The following RIMKLB variants were observed in gnomAD, a reference collection of about 807,000 sequenced individuals.
RIMKLB encodes beta-citrylglutamate synthase B.
RIMKLB carries 7 observed loss-of-function variants against 32.0 expected under a neutral mutation model. The observed-to-expected ratio is 0.22, with a 90% CI of 0.12 to 0.41. RIMKLB has a LOEUF of 0.41. RIMKLB is among the 10% of genes least tolerant of loss of function. The pLI is 1.00. For synonymous variants in RIMKLB, 172 were observed against 185.1 expected (o/e 0.93, Z 0.57); for missense variants, 289 against 498.7 (o/e 0.58, Z 4.00).
intron 1 of RIMKLB, among the ~76,000 whole-genome samples, chr12:8,682,168 A>G (rs1303256733): frequency 6.6e-6 from 1 of 152,234 alleles, no homozygotes; most frequent in Non-Finnish European, 1.5e-5. Context: ...TAAAAAACAC[A>G]TAAAATTAAA....
At chr12:8,740,435 C>A (rs753957417) in intron 2 of RIMKLB, among the ~76,000 whole-genome samples, 174 of 152,176 alleles carry the variant, frequency 1.1e-3, no homozygotes, top group African/African-American at 3.8e-3. Flanking sequence ...GATGGGTGCA[C>A]CCATCATCCA....
chr12:8,772,148 G>A lies in RIMKLB; in HGVS notation c.698-1173G>A, dbSNP rs574943779. ...AAGTGATCCACCTCAGCCTCCCAAAGTGTTGGGATTACAGGCATGAGCCAT... is the reference window on the plus strand; with the variant it reads ...AAGTGATCCACCTCAGCCTCCCAAAATGTTGGGATTACAGGCATGAGCCAT... On this transcript the variant is annotated intron_variant, in intron 5 of 5. Transcript: ENST00000535829. Among the ~76,000 whole-genome samples the A allele has an allele frequency of 1.1e-3, 168 of 152,278 alleles. 1 individual carries two copies. Among genetic ancestry groups the A allele is most frequent in the Admixed American group, 1.8e-3 (27 of 15,292 alleles).
At position 8,775,440 on chromosome 12, in the gene RIMKLB, G is replaced by T. The variant is rs1950673159; in HGVS notation, c.*1656G>T. ...TGTTAAGAAATGGAGATGCTGCAGA[G>T]CCCAACGTAATTTTTTAAACAGCAA... On this transcript the variant is annotated 3_prime_UTR_variant, in exon 6 of 6. Transcript: ENST00000535829. The T allele has an allele frequency of 1.0e-6, 1 of 985,566 alleles. No homozygotes were observed. 61.1% of individuals were successfully genotyped at this position (985,566 alleles called of 1,614,324 possible).
At chr12:8,748,083 A>G (rs1330530950) in intron 2 of RIMKLB, among the ~76,000 whole-genome samples, 1 of 152,166 alleles carries the variant, frequency 6.6e-6, no homozygotes, top group Admixed American at 6.6e-5. Context: ...ATATCTATAT[A>G]TGTTTCTGTA....
chr12:8,704,474 A>G (rs773232533), intron 1 of RIMKLB, among the ~76,000 whole-genome samples: 1 of 152,326 alleles, frequency 6.6e-6, no homozygotes, highest in South Asian at 2.1e-4. Flanking sequence ...GTTTTCAATC[A>G]TGACTTAACC....
intron 1 of RIMKLB, among the ~76,000 whole-genome samples, chr12:8,705,201 G>A (rs1484801161): frequency 6.6e-6 from 1 of 152,144 alleles, no homozygotes; most frequent in African/African-American, 2.4e-5. Context: ...AGTGGGCCAG[G>A]CATGGTGGCT....
intron 1 of RIMKLB, among the ~76,000 whole-genome samples, chr12:8,688,281 C>T (rs1378304981): frequency 1.3e-5 from 2 of 152,096 alleles, no homozygotes; most frequent in Admixed American, 1.3e-4. Flanking sequence ...GTTCTGATTC[C>T]AGCTCTGAAA....
chr12:8,760,921 G>A (rs1183592116), intron 5 of RIMKLB, among the ~76,000 whole-genome samples: 1 of 151,990 alleles, frequency 6.6e-6, no homozygotes, highest in African/African-American at 2.4e-5. Flanking sequence ...AGTTTCTTTT[G>A]CTGTGCCATC....
At chr12:8,722,341 C>T (rs146028319) in intron 2 of RIMKLB, among the ~76,000 whole-genome samples, 467 of 152,056 alleles carry the variant, frequency 3.1e-3, no homozygotes, top group African/African-American at 0.01. Flanking sequence ...TGACCAGGTG[C>T]ATCATCAGTG....
At chr12:8,705,963 C>G (rs2136802452) in intron 1 of RIMKLB, among the ~76,000 whole-genome samples, 1 of 152,246 alleles carries the variant, frequency 6.6e-6, no homozygotes, top group Non-Finnish European at 1.5e-5. Context: ...ATTTCCTTTA[C>G]TTAAGGTCAA....
chr12:8,761,110 G>A (rs896533981), intron 5 of RIMKLB, among the ~76,000 whole-genome samples: 10 of 151,818 alleles, frequency 6.6e-5, no homozygotes, highest in Non-Finnish European at 5.9e-5. Context: ...AGCACTTTGG[G>A]AGGCCAGGGT....
In RIMKLB at chr12:8,718,766, G is replaced by A. The variant is rs117605424; in HGVS notation, c.175+4725G>A. 8.9e-3 allele frequency among the ~76,000 whole-genome samples: 1,341 copies of A among 149,842 alleles called. 4 individuals carry two copies. The highest frequency in any genetic ancestry group is 0.015 in the Admixed American group (228 of 15,002). On this transcript the variant is annotated intron_variant, in intron 2 of 5. Coordinates refer to ENST00000535829, the MANE Select transcript of RIMKLB (RefSeq NM_001297776.2). ...CAGCAAAATTAGGCAGAAAGTACAG[G>A]GATCTCCTATGTATCCTCTGCCCAC...
intron 2 of RIMKLB, among the ~76,000 whole-genome samples, chr12:8,726,166 A>G (rs899436371): frequency 1.3e-5 from 2 of 152,200 alleles, no homozygotes; most frequent in Admixed American, 1.3e-4. Flanking sequence ...ACTGTTTTGC[A>G]TTCCCACCAG....
Position 8,774,098 on chromosome 12 carries a change from T to G in RIMKLB, c.*314T>G, listed in dbSNP as rs889699762. On this transcript the variant is annotated 3_prime_UTR_variant, in exon 6 of 6. Transcript: ENST00000535829. The stretch of plus-strand genomic sequence containing the variant: ...AGGAACAAATACTTTTTTTTTTTCA[T>G]GGTCCCTTGCTTTTGTTTTTGTACA... 11 of 1,065,924 alleles carry G rather than the reference T, an allele frequency of 1.0e-5. No individual in the cohort carries two copies. The highest frequency in any genetic ancestry group is 6.7e-5 in the African/African-American group (4 of 59,854). 66.0% of individuals were successfully genotyped at this position (1,065,924 alleles called of 1,614,324 possible).
At chr12:8,681,094 G>A (rs1169136287), upstream of RIMKLB, among the ~76,000 whole-genome samples, 1 of 151,698 alleles carries the variant, frequency 6.6e-6, no homozygotes, top group Non-Finnish European at 1.5e-5. Context: ...CCAAGTAGCT[G>A]GGACTATAGG....
chr12:8,773,429 A>G lies in RIMKLB; in HGVS notation c.806A>G (p.Asp269Gly), dbSNP rs745610268. The change falls in exon 6 of 6, where the codon GAT (aspartate) becomes GGT (glycine). Residue 269 changes from aspartate to glycine, a missense_variant. By Grantham distance (94) the Asp-to-Gly change is moderately conservative (BLOSUM62 -1). Coordinates refer to ENST00000535829, the MANE Select transcript of RIMKLB (RefSeq NM_001297776.2). ...TGTGGCATTGATCTGCTGATGAAAG[A>G]TGACGGCTCCTTCTGCGTCTGTGAG... is the stretch of plus-strand genomic sequence containing the variant. ...DVCGIDLLMK[D>G]DGSFCVCEAN... The G allele has an allele frequency of 1.2e-6, 2 of 1,614,226 alleles. No homozygotes were observed. Among genetic ancestry groups the G allele is most frequent in the East Asian group, 4.5e-5 (2 of 44,882 alleles).
chr12:8,732,237 GC>G (rs1946609848), intron 2 of RIMKLB, among the ~76,000 whole-genome samples: 1 of 151,988 alleles, frequency 6.6e-6, no homozygotes, highest in African/African-American at 2.4e-5. Context: ...CTAGCCTTTA[GC>G]TTTTACTTAG....
chr12:8,694,662 G>A (rs1942834838), upstream of RIMKLB, among the ~76,000 whole-genome samples: 1 of 152,120 alleles, frequency 6.6e-6, no homozygotes, highest in Non-Finnish European at 1.5e-5. Context: ...CCAAAGTGCT[G>A]GGATTACAGG....
At chr12:8,717,056 TC>T (rs1328053854) in intron 2 of RIMKLB, among the ~76,000 whole-genome samples, 1 of 148,426 alleles carries the variant, frequency 6.7e-6, no homozygotes, top group Non-Finnish European at 1.5e-5. Flanking sequence ...GGAGGGTTTT[TC>T]TTTTTTTTTT....
Sources: gnomAD v4.1 joint callset for allele counts (sites outside exome capture counted in the v4.1 genomes callset) on GRCh38, gnomAD v4.1.1 for gene constraint, MANE v1.5 for transcripts, NCBI Gene and HGNC (gene_info 2026-07-23, HGNC 2026-07-21) for gene names.